The following SHE variants were observed in gnomAD, a reference collection of about 807,000 sequenced individuals.
SHE encodes SH2 domain-containing adapter protein E.
A neutral mutation model predicts 49.8 loss-of-function variants in SHE; 11 were observed. The ratio of observed to expected loss-of-function variants is 0.22; its 90% CI spans 0.14 to 0.37. The LOEUF (loss-of-function observed/expected upper bound fraction) is 0.37, where lower values mean the gene tolerates loss of function less well. Ranked by LOEUF, SHE falls within the 10% of genes least tolerant of loss-of-function variation. The pLI is 1.00. For synonymous variants in SHE, 310 were observed against 278.1 expected, an observed-to-expected ratio of 1.11 and a Z score of -1.14; for missense variants, 624 against 655.5, an observed-to-expected ratio of 0.95 and a Z score of 0.52.
Position 154,499,158 on chromosome 1 carries a change from C to G in SHE, c.672G>C (p.Glu224Asp). ...CATATGGTTCCATGTAACCGTCGTT[C>G]TCTCCGACTCTCTCTGCATCCCTTT... ...KGQRDAERVG[E>D]NDGYMEPYDA... Residue 224 changes from glutamate to aspartate, a missense_variant, in exon 2 of 6, where the codon GAG becomes GAC. Physicochemically the swap from Glu to Asp is conservative, Grantham distance 45. This residue lies in a region of SHE where 337 missense variants were observed against 306.0 expected (regional missense o/e 1.10). Transcript: ENST00000304760. The G allele has an allele frequency of 6.2e-7, 1 of 1,614,166 alleles. No homozygotes were observed. Among genetic ancestry groups the G allele is most frequent in the Admixed American group, 1.7e-5 (1 of 60,022 alleles).
At position 154,480,155 on chromosome 1, in the gene SHE, T is replaced by C. The variant is rs1365229197; in HGVS notation, c.*3994A>G. 1.0e-6 allele frequency: 1 copy of C among 985,302 alleles called. No individual in the cohort carries two copies. The highest frequency in any genetic ancestry group is 1.7e-5 in the African/African-American group (1 of 57,230). 61.0% of individuals were successfully genotyped at this position (985,302 alleles called of 1,614,324 possible). Reference sequence around the variant, plus strand: ...TGGAAATGAGAATACAGAAGAGTGATTCTAACCAGGTCATAAGGCCAAACT... The same window carrying C: ...TGGAAATGAGAATACAGAAGAGTGACTCTAACCAGGTCATAAGGCCAAACT... On this transcript the variant is annotated 3_prime_UTR_variant, in exon 6 of 6. Coordinates refer to ENST00000304760, the MANE Select transcript of SHE (RefSeq NM_001010846.3).
intron 2 of SHE, among the ~76,000 whole-genome samples, chr1:154,493,371 C>T (rs145797324): frequency 5.9e-5 from 9 of 152,184 alleles, no homozygotes; most frequent in Non-Finnish European, 1.2e-4. Flanking sequence ...GGCTGCAAGC[C>T]GACCCTTCCT....
At chr1:154,498,353 C>T (rs1692601871) in intron 2 of SHE, among the ~76,000 whole-genome samples, 1 of 151,534 alleles carries the variant, frequency 6.6e-6, no homozygotes, top group African/African-American at 2.4e-5. Context: ...ACCTTGACCT[C>T]CCAAAGTGCT....
rs1328920554 is a variant in SHE at position 154,481,960 on chromosome 1, C to T, written c.*2189G>A. ...GACCTGAGCAGAGGTGATCCACCTA[C>T]CTCAGCCTCCCGAATAGCTGGAACC... On this transcript the variant is annotated 3_prime_UTR_variant, in exon 6 of 6. Transcript: ENST00000304760. The T allele has an allele frequency of 4.3e-6, 1 of 232,434 alleles. No individual in the cohort carries two copies. The highest frequency in any genetic ancestry group is 7.1e-6 in the Non-Finnish European group (1 of 141,766). 14.4% of individuals were successfully genotyped at this position (232,434 alleles called of 1,614,324 possible). A position where few individuals can be genotyped will look rare whatever the true frequency, so the allele number is the denominator to read the frequency against.
Position 154,501,475 on chromosome 1 carries a change from G to A in SHE, c.552C>T (p.Pro184=). 1 of 1,614,142 alleles carries A rather than the reference G, an allele frequency of 6.2e-7. No homozygotes were observed. The highest frequency in any genetic ancestry group is 8.5e-7 in the Non-Finnish European group (1 of 1,180,012). The change falls in exon 1 of 6, where the codon CCC becomes CCT. Residue 184 remains proline (P), a synonymous_variant. Coordinates refer to ENST00000304760, the MANE Select transcript of SHE (RefSeq NM_001010846.3). ...SASSSPSSLG[P]ELDKGKIIKQ... is the part of the protein sequence containing the mutation. ...TAATAATCTTGCCCTTGTCCAGCTC[G>A]GGCCCCAGGGAGGAAGGGGAAGAGG...
rs774744309 is a variant in SHE, at chr1:154,489,279, C to T, written c.796G>A (p.Gly266Ser). The T allele has an allele frequency of 5.6e-6, 9 of 1,614,230 alleles. No homozygotes were observed. The South Asian group carries it at 7.7e-5, about 14-fold the overall frequency. Residue 266 changes from glycine to serine, a missense_variant, in exon 3 of 6, where the codon GGT becomes AGT. Around this residue, in one of 4 missense-constraint regions of SHE, gnomAD observed 155 missense variants for 142.0 expected, o/e 1.09. Transcript: ENST00000304760. Reference protein sequence around the residue: ...LLDSPCEPADGGLKSETLAKR... With the variant: ...LLDSPCEPADSGLKSETLAKR... ...GCCAAGGTCTCTGATTTCAGGCCAC[C>T]GTCTGCGGGTTCACAGGGACTGTCA...
rs568726512 is a variant in SHE, at chr1:154,480,270, G to A, written c.*3879C>T. 1.1e-5 allele frequency: 11 copies of A among 985,290 alleles called. No individual in the cohort carries two copies. Among genetic ancestry groups the A allele is most frequent in the East Asian group, 1.1e-4 (1 of 8,828 alleles). 61.0% of individuals were successfully genotyped at this position (985,290 alleles called of 1,614,324 possible). A position where few individuals can be genotyped will look rare whatever the true frequency, so the allele number is the denominator to read the frequency against. On this transcript the variant is annotated 3_prime_UTR_variant, in exon 6 of 6. Transcript: ENST00000304760. ...AATCCTGCTGAGTGTCAAGGGGTGC[G>A]GGGAAGGGAAATGAAATCGACATCA...
chr1:154,488,205 T>C (rs2149293052), intron 3 of SHE, among the ~76,000 whole-genome samples: 1 of 151,980 alleles, frequency 6.6e-6, no homozygotes, highest in South Asian at 2.1e-4. Flanking sequence ...CCTCCCAAAG[T>C]GCTAGGATTA....
rs1692026340 is a variant in SHE at position 154,481,852 on chromosome 1, T to G, written c.*2297A>C. 1 of 958,030 alleles carries G rather than the reference T, an allele frequency of 1.0e-6. No homozygotes were observed. The highest frequency in any genetic ancestry group is 1.8e-5 in the African/African-American group (1 of 56,766). The allele number at this position is 958,030 out of a possible 1,614,324, so 59.3% of individuals were successfully genotyped here. A position where few individuals can be genotyped will look rare whatever the true frequency, so the allele number is the denominator to read the frequency against. ...GAAAAAAACATTCCTTTTGGTTTTTTGTTTGCTTGCTTGTTGAGACAGGGT... is the reference window on the plus strand; with the variant it reads ...GAAAAAAACATTCCTTTTGGTTTTTGGTTTGCTTGCTTGTTGAGACAGGGT... On this transcript the variant is annotated 3_prime_UTR_variant, in exon 6 of 6. Coordinates refer to ENST00000304760, the MANE Select transcript of SHE (RefSeq NM_001010846.3).
intron 2 of SHE, among the ~76,000 whole-genome samples, chr1:154,498,356 A>G (rs1692601987): frequency 1.3e-5 from 2 of 150,412 alleles, no homozygotes; most frequent in Non-Finnish European, 1.5e-5. Context: ...TTGACCTCCC[A>G]AAGTGCTGGG....
chr1:154,479,397 T>G (rs529881431), downstream of SHE: 1 of 620,886 alleles, frequency 1.6e-6, no homozygotes, highest in Non-Finnish European at 2.0e-6. Flanking sequence ...CAAATGAAAC[T>G]CTGCTGTAGC....
In SHE at chr1:154,501,925, G is replaced by T. The variant is rs780021237; in HGVS notation, c.102C>A (p.Gly34=). ...TGAACCACTTGGCCGCCATGAGGGG[G>T]CCCCGGCCGGCTCGGCCCAGGAGCG... ...APTLLGRAGR[G]PLMAAKWFKE... The change falls in exon 1 of 6, where the codon GGC becomes GGA. Residue 34 remains glycine (G), a synonymous_variant. Transcript: ENST00000304760. 78 of 1,491,516 alleles carry T rather than the reference G, an allele frequency of 5.2e-5. No individual in the cohort carries two copies. The highest frequency in any genetic ancestry group is 6.4e-5 in the Non-Finnish European group (72 of 1,129,930). The allele number at this position is 1,491,516 out of a possible 1,614,324, so 92.4% of individuals were successfully genotyped here.
At chr1:154,496,290 A>G (rs1692528481) in intron 2 of SHE, among the ~76,000 whole-genome samples, 1 of 152,242 alleles carries the variant, frequency 6.6e-6, no homozygotes, top group African/African-American at 2.4e-5. Flanking sequence ...AAAGTTAGTA[A>G]TTTGGATTTT....
downstream of SHE, among the ~76,000 whole-genome samples, chr1:154,475,877 G>A (rs1691866153): frequency 6.6e-6 from 1 of 152,124 alleles, no homozygotes; most frequent in Admixed American, 6.5e-5. Flanking sequence ...CCGGTTGGAG[G>A]TGGATCGCTC....
chr1:154,497,394 A>G (rs1692564854), intron 2 of SHE, among the ~76,000 whole-genome samples: 1 of 152,262 alleles, frequency 6.6e-6, no homozygotes, highest in Admixed American at 6.5e-5. Context: ...GGCTCCCTTG[A>G]GTCAGCATTC....
Position 154,482,943 on chromosome 1 carries a change from A to C in SHE, c.*1206T>G. On this transcript the variant is annotated 3_prime_UTR_variant, in exon 6 of 6. Coordinates refer to ENST00000304760, the MANE Select transcript of SHE (RefSeq NM_001010846.3). ...CTACAAAGCAAATCTAATTTTAGAG[A>C]CAAAAATTAAAAATTATTCCATAGC... The C allele has an allele frequency of 1.0e-5, 10 of 984,974 alleles. No homozygotes were observed. The highest frequency in any genetic ancestry group is 1.2e-5 in the Non-Finnish European group (10 of 829,536). 61.0% of individuals were successfully genotyped at this position (984,974 alleles called of 1,614,324 possible).
rs911423870 is a variant in SHE at position 154,481,628 on chromosome 1, G to A, written c.*2521C>T. The A allele has an allele frequency of 1.0e-6, 1 of 984,068 alleles. No homozygotes were observed. The allele number at this position is 984,068 out of a possible 1,614,324, so 61.0% of individuals were successfully genotyped here. A position where few individuals can be genotyped will look rare whatever the true frequency, so the allele number is the denominator to read the frequency against. On this transcript the variant is annotated 3_prime_UTR_variant, in exon 6 of 6. Coordinates refer to ENST00000304760, the MANE Select transcript of SHE (RefSeq NM_001010846.3). ...ATTTATTAAAATTAGAATAACTGCT[G>A]TATTCCCTTTGTAGAATAAGGTTAA...
chr1:154,486,798 A>T (rs1248540273), intron 3 of SHE, 115 bp from the exon 4 acceptor site: 7 of 1,186,280 alleles, frequency 5.9e-6, no homozygotes, highest in Non-Finnish European at 7.1e-6. Context: ...TTCCCCCTTT[A>T]ACATTAACTA....
chr1:154,471,176 C>T (rs1217280473), intron 1 of SHE, among the ~76,000 whole-genome samples: 1 of 152,138 alleles, frequency 6.6e-6, no homozygotes, highest in African/African-American at 2.4e-5. Flanking sequence ...ACTACCCAAT[C>T]TCTAATGTCT....
Sources: allele counts gnomAD v4.1 joint callset (sites outside exome capture counted in the v4.1 genomes callset), GRCh38; gene constraint gnomAD v4.1.1; regional missense constraint gnomAD v4.1.1; transcripts MANE v1.5; gene names NCBI Gene and HGNC (gene_info 2026-07-23, HGNC 2026-07-21).